The following SORCS1 variants were observed in gnomAD, a reference collection of about 807,000 sequenced individuals.
SORCS1 encodes VPS10 domain-containing receptor SorCS1.
In SORCS1, 60 loss-of-function variants were observed where a neutral mutation model predicts 146.1. That is an observed-to-expected ratio of 0.41 (90% CI 0.33 to 0.51). SORCS1 has a LOEUF of 0.51. SORCS1 is among the 20% of genes least tolerant of loss of function. The pLI is 0.21. For missense variants in SORCS1, 1,352 were observed against 1,487.6 expected, an observed-to-expected ratio of 0.91 and a Z score of 1.50; for synonymous variants, 637 against 584.0, an observed-to-expected ratio of 1.09 and a Z score of -1.31.
Position 107,143,505 on chromosome 10 carries a change from C to T in SORCS1, c.558+20464G>A, listed in dbSNP as rs115256272. ...TCCACACCCAGCTAATTCTTCTTTT[C>T]TTTTCTTTTTCTTTTTGAGATGGAA... On this transcript the variant is annotated intron_variant, in intron 1 of 25. Transcript: ENST00000263054. 3.3e-3 allele frequency among the ~76,000 whole-genome samples: 495 copies of T among 151,868 alleles called. 3 individuals carry two copies. The highest frequency in any genetic ancestry group is 0.011 in the African/African-American group (464 of 41,448).
chr10:107,018,324 G>A (rs1384438210), intron 1 of SORCS1, among the ~76,000 whole-genome samples: 2 of 151,868 alleles, frequency 1.3e-5, no homozygotes, highest in Non-Finnish European at 1.5e-5. Flanking sequence ...ACAGGCACCC[G>A]CCACCACGCC....
chr10:107,070,471 A>C (rs1222972697), intron 1 of SORCS1, among the ~76,000 whole-genome samples: 1 of 152,216 alleles, frequency 6.6e-6, no homozygotes, highest in Non-Finnish European at 1.5e-5. Context: ...GAAAAATAAC[A>C]GAACAAAATT....
intron 3 of SORCS1, among the ~76,000 whole-genome samples, chr10:106,805,446 C>A (rs1336063674): frequency 6.6e-6 from 1 of 152,130 alleles, no homozygotes; most frequent in Non-Finnish European, 1.5e-5. Context: ...GAGCAGACTG[C>A]AGTAGACATC....
At chr10:106,958,150 T>C (rs1175820441) in intron 1 of SORCS1, among the ~76,000 whole-genome samples, 1 of 152,240 alleles carries the variant, frequency 6.6e-6, no homozygotes, top group Non-Finnish European at 1.5e-5. Context: ...GAGCAGTGTG[T>C]GTTCCTAACC....
intron 1 of SORCS1, among the ~76,000 whole-genome samples, chr10:107,081,277 G>A (rs546796913): frequency 5.3e-5 from 8 of 152,272 alleles, no homozygotes; most frequent in African/African-American, 1.9e-4. Context: ...AGGTTACCAC[G>A]TCACAGGCTA....
chr10:107,150,815 T>G (rs1968727866), intron 1 of SORCS1, among the ~76,000 whole-genome samples: 1 of 152,234 alleles, frequency 6.6e-6, no homozygotes, highest in Admixed American at 6.5e-5. Flanking sequence ...TCTCCCCTGC[T>G]GCCATGTGAA....
At chr10:106,808,693 G>A (rs751379075) in intron 3 of SORCS1, among the ~76,000 whole-genome samples, 3 of 151,950 alleles carry the variant, frequency 2.0e-5, no homozygotes, top group South Asian at 2.1e-4. Flanking sequence ...TAGTAGAGAC[G>A]GGGTTTCACT....
chr10:107,046,260 A>C (rs1959422603), intron 1 of SORCS1, among the ~76,000 whole-genome samples: 1 of 151,572 alleles, frequency 6.6e-6, no homozygotes, highest in Admixed American at 6.6e-5. Context: ...CTAATTTTTA[A>C]ATTTTTTGTC....
chr10:106,726,506 G>T (rs1444769644), intron 6 of SORCS1, among the ~76,000 whole-genome samples: 2 of 151,994 alleles, frequency 1.3e-5, no homozygotes, highest in African/African-American at 2.4e-5. Flanking sequence ...AATGCTGGGT[G>T]TAAGAAAATG....
At chr10:107,011,800 T>C (rs1474363324) in intron 1 of SORCS1, among the ~76,000 whole-genome samples, 1 of 152,222 alleles carries the variant, frequency 6.6e-6, no homozygotes, top group Non-Finnish European at 1.5e-5. Context: ...GCTGTTTTAC[T>C]GTATGCCATG....
At chr10:107,009,829 T>A (rs1319062646) in intron 1 of SORCS1, among the ~76,000 whole-genome samples, 1 of 152,252 alleles carries the variant, frequency 6.6e-6, no homozygotes, top group East Asian at 1.9e-4. Context: ...ATAATTATTA[T>A]CAGAGCGACA....
chr10:106,593,034 G>C (rs935803438), intron 24 of SORCS1, among the ~76,000 whole-genome samples: 1 of 151,516 alleles, frequency 6.6e-6, no homozygotes. Context: ...AGCTACTTGG[G>C]AGGCTGAGGG....
intron 1 of SORCS1, among the ~76,000 whole-genome samples, chr10:106,995,276 C>T (rs1290111178): frequency 2.7e-5 from 4 of 149,700 alleles, no homozygotes; most frequent in Admixed American, 1.3e-4. Flanking sequence ...ATCGCACCAC[C>T]GCACTCCAGC....
chr10:106,760,565 T>C (rs1279266142), intron 5 of SORCS1, among the ~76,000 whole-genome samples: 1 of 148,438 alleles, frequency 6.7e-6, no homozygotes, highest in Non-Finnish European at 1.5e-5. Flanking sequence ...AGGAACCAAA[T>C]CTGCCGGCAC....
In SORCS1 at chr10:106,834,081, C is replaced by G. The variant is rs183024864; in HGVS notation, c.627-4408G>C. Among the ~76,000 whole-genome samples the G allele has an allele frequency of 3.5e-3, 528 of 152,258 alleles. 2 individuals carry two copies. The highest frequency in any genetic ancestry group is 9.5e-3 in the Admixed American group (146 of 15,292). On this transcript the variant is annotated intron_variant, in intron 2 of 25. Transcript: ENST00000263054. ...GTACTGGGATTACAGGCATGAGCCA[C>G]CACGCCCGGTCATGGAAGGCAATTT...
At chr10:106,990,739 C>T (rs1325153631) in intron 1 of SORCS1, among the ~76,000 whole-genome samples, 1 of 152,124 alleles carries the variant, frequency 6.6e-6, no homozygotes, top group Non-Finnish European at 1.5e-5. Flanking sequence ...CTACCTGCAT[C>T]GCATTTACTT....
chr10:106,856,589 A>G (rs1404544688), intron 2 of SORCS1, among the ~76,000 whole-genome samples: 1 of 152,144 alleles, frequency 6.6e-6, no homozygotes, highest in Non-Finnish European at 1.5e-5. Flanking sequence ...GTATTTCAAA[A>G]TGGTTACTTT....
chr10:106,667,878 C>A (rs1851287730), intron 16 of SORCS1, 76 bp from the exon 17 acceptor site: 2 of 937,094 alleles, frequency 2.1e-6, no homozygotes, highest in Admixed American at 2.0e-5. Flanking sequence ...CAGTCCACAG[C>A]CAAGTTCCAC....
chr10:106,975,496 GAAC>G (rs1210497101), intron 1 of SORCS1, among the ~76,000 whole-genome samples: 7 of 152,324 alleles, frequency 4.6e-5, no homozygotes, highest in East Asian at 1.9e-4. Context: ...ATGAATCAAG[GAAC>G]AACTAACTAT....
Sources: allele counts gnomAD v4.1 joint callset (sites outside exome capture counted in the v4.1 genomes callset), GRCh38; gene constraint gnomAD v4.1.1; transcripts MANE v1.5; gene names NCBI Gene and HGNC (gene_info 2026-07-23, HGNC 2026-07-21).